Variants in PIEZO1 observed in about 807,000 individuals in gnomAD.
PIEZO1 encodes piezo type mechanosensitive ion channel component 1 (Er blood group).
In PIEZO1, 296 loss-of-function variants were observed where a neutral mutation model predicts 297.2. The observed-to-expected ratio is 1.00, with a 90% CI of 0.91 to 1.10. PIEZO1 has a LOEUF of 1.10. PIEZO1 is among the 50% of genes least tolerant of loss of function. The pLI is 0.00. For missense variants in PIEZO1, 5,018 were observed against 3,455.5 expected (o/e 1.45, Z -11.34); for synonymous variants, 2,427 against 1,507.5 (o/e 1.61, Z -14.13).
rs137878379 is a variant in PIEZO1 at position 88,752,187 on chromosome 16, C to T, written c.65-2708G>A. 3.1e-3 allele frequency among the ~76,000 whole-genome samples: 469 copies of T among 152,310 alleles called. 3 individuals are homozygous for T. The highest frequency in any genetic ancestry group is 4.7e-3 in the Non-Finnish European group (318 of 68,036). ...GACCTGTGCCCTTCAATGCGGCTAA[C>T]GTGACAAACTTTAGGCCGGGTGTGG... On this transcript the variant is annotated intron_variant, in intron 1 of 50. Coordinates refer to ENST00000301015, the MANE Select transcript of PIEZO1 (RefSeq NM_001142864.4).
At chr16:88,736,885 G>A (rs956478881) in intron 10 of PIEZO1, 146 bp from the exon 11 acceptor site, 1 of 536,360 alleles carries the variant, frequency 1.9e-6, no homozygotes, top group Non-Finnish European at 3.3e-6. Flanking sequence ...GAGGGCTCCG[G>A]CAATTGGGCT....
At position 88,727,199 on chromosome 16, in the gene PIEZO1, G is replaced by A. The variant is rs927057003; in HGVS notation, c.3302-7C>T. 7.8e-6 allele frequency: 12 copies of A among 1,531,062 alleles called. No individual in the cohort carries two copies. Among genetic ancestry groups the A allele is most frequent in the Non-Finnish European group, 1.1e-5 (12 of 1,136,344 alleles). 94.8% of individuals were successfully genotyped at this position (1,531,062 alleles called of 1,614,324 possible). ...AGCAGCAGGAGAAAGTCGCCTGCAGGACACAGGAGCCGCCGCTGTGCCACA... is the reference window on the plus strand; with the variant it reads ...AGCAGCAGGAGAAAGTCGCCTGCAGAACACAGGAGCCGCCGCTGTGCCACA... On this transcript the variant is annotated splice_polypyrimidine_tract_variant and splice_region_variant and intron_variant, in intron 23 of 50. Transcript: ENST00000301015.
chr16:88,764,487 T>C (rs1482185869), intron 1 of PIEZO1, among the ~76,000 whole-genome samples: 1 of 151,934 alleles, frequency 6.6e-6, no homozygotes, highest in Non-Finnish European at 1.5e-5. Flanking sequence ...GCGCGGTGGC[T>C]CACACCTGTA....
chr16:88,715,380 A>C lies in PIEZO1; in HGVS notation c.*225T>G, dbSNP rs1911908546. On this transcript the variant is annotated 3_prime_UTR_variant, in exon 51 of 51. Coordinates refer to ENST00000301015, the MANE Select transcript of PIEZO1 (RefSeq NM_001142864.4). ...ATAAATAAAACATTTTTTAATTAAAAAAAAAACTCTACAGTACACGTGGGG... is the reference window on the plus strand; with the variant it reads ...ATAAATAAAACATTTTTTAATTAAACAAAAAACTCTACAGTACACGTGGGG... The C allele has an allele frequency of 6.9e-6, 8 of 1,154,386 alleles. No homozygotes were observed. The highest frequency in any genetic ancestry group is 3.1e-5 in the African/African-American group (2 of 64,282). 71.5% of individuals were successfully genotyped at this position (1,154,386 alleles called of 1,614,324 possible).
At chr16:88,777,567 G>A (rs565796840) in intron 1 of PIEZO1, among the ~76,000 whole-genome samples, 14 of 152,316 alleles carry the variant, frequency 9.2e-5, no homozygotes, top group South Asian at 2.1e-4. Flanking sequence ...GTAAATCCCC[G>A]CTGAGGCAGG....
At chr16:88,739,254 G>C (rs6500494) in intron 5 of PIEZO1, 40,211 of 153,712 alleles carry the variant, frequency 0.26, 5,977 homozygotes, top group East Asian at 0.56. Flanking sequence ...CCTCTGGGGG[G>C]ACAGAGGTGG....
chr16:88,750,099 C>T (rs1224786750), intron 1 of PIEZO1, among the ~76,000 whole-genome samples: 1 of 151,704 alleles, frequency 6.6e-6, no homozygotes, highest in Non-Finnish European at 1.5e-5. Flanking sequence ...GTTTGGGAGG[C>T]TGCAGCAGGA....
rs1424910533 is a variant in PIEZO1, at chr16:88,721,237, G to A, written c.5597C>T (p.Thr1866Met). 18 of 1,540,718 alleles carry A rather than the reference G, an allele frequency of 1.2e-5. No homozygotes were observed. The highest frequency in any genetic ancestry group is 3.3e-4 in the Middle Eastern group (2 of 6,002). ...EPQVELRPRD[T>M]RRISLRFRRR... ...TCTAAAACGTAGACTGATGCGCCTC[G>A]TATCACGGGGCCTGAGCTCCACTTG... The change falls in exon 39 of 51, where the codon ACG (threonine) becomes ATG (methionine). Residue 1866 changes from threonine to methionine, a missense_variant. Physicochemically the swap from Thr to Met is moderately conservative, Grantham distance 81 (BLOSUM62 -1). Transcript: ENST00000301015.
rs556868303 is a variant in PIEZO1, at chr16:88,749,360, G to A, written c.160+24C>T. ...GCCCACCCCCTCCCACCCTGAGAGCGTGGGCAGGGTCCCCTGGCCTTACCT... is the reference window on the plus strand; with the variant it reads ...GCCCACCCCCTCCCACCCTGAGAGCATGGGCAGGGTCCCCTGGCCTTACCT... On this transcript the variant is annotated intron_variant, in intron 2 of 50. Transcript: ENST00000301015. 5.8e-4 allele frequency: 839 copies of A among 1,436,504 alleles called. 2 individuals are homozygous for A. The highest frequency in any genetic ancestry group is 6.8e-4 in the Non-Finnish European group (742 of 1,093,956). The allele number at this position is 1,436,504 out of a possible 1,614,324, so 89.0% of individuals were successfully genotyped here.
Position 88,725,066 on chromosome 16 carries a change from C to T in PIEZO1, c.4177G>A (p.Gly1393Arg). The T allele has an allele frequency of 6.6e-7, 1 of 1,511,036 alleles. No homozygotes were observed. The highest frequency in any genetic ancestry group is 8.8e-7 in the Non-Finnish European group (1 of 1,131,946). 93.6% of individuals were successfully genotyped at this position (1,511,036 alleles called of 1,614,324 possible). Residue 1393 changes from glycine to arginine, a missense_variant, in exon 30 of 51, where the codon GGG becomes AGG. Transcript: ENST00000301015. Reference sequence around the variant, plus strand: ...TGCCTCCGTGGCGGGGAGGAGCCCCCTGGACTGTCGGGCCCTGTGGAGGGG... The same window carrying T: ...TGCCTCCGTGGCGGGGAGGAGCCCCTTGGACTGTCGGGCCCTGTGGAGGGG... ...PGLEPGPDSP[G>R]GSSPPRRQWW...
intron 44 of PIEZO1, chr16:88,718,186 G>C (rs529068264): frequency 6.0e-6 from 1 of 165,604 alleles, no homozygotes; most frequent in East Asian, 1.8e-4. Context: ...GAACTGAGAA[G>C]AGCCCACAGC....
At chr16:88,738,490 C>T (rs1420419999) in intron 6 of PIEZO1, 50 bp from the exon 7 acceptor site, 12 of 1,525,272 alleles carry the variant, frequency 7.9e-6, no homozygotes, top group South Asian at 2.4e-5. Context: ...CCATGTGTCC[C>T]GCTGTCTCCA....
chr16:88,736,445 A>C (rs1238743706), intron 11 of PIEZO1, 37 bp from the exon 12 acceptor site: 1 of 1,508,884 alleles, frequency 6.6e-7, no homozygotes, highest in South Asian at 1.2e-5. Context: ...TGCCCAGCGC[A>C]CCCCACCCAG....
intron 19 of PIEZO1, chr16:88,732,941 GAGAGGTCC>G: frequency 1.7e-6 from 1 of 596,914 alleles, no homozygotes. Context: ...GGGGAGTGAA[GAGAGGTCC>G]AGGGAGAAGG....
At chr16:88,717,493 G>T (rs1567657843) in intron 44 of PIEZO1, 1 of 587,902 alleles carries the variant, frequency 1.7e-6, no homozygotes, top group South Asian at 1.6e-5. Context: ...CCAGGCAGGA[G>T]AATGAAACGC....
Position 88,726,788 on chromosome 16 carries a change from CGT to C in PIEZO1, c.3624_3625del (p.Arg1209GlyfsTer56). 6.5e-7 allele frequency: 1 copy of C among 1,550,232 alleles called. No individual in the cohort carries two copies. The highest frequency in any genetic ancestry group is 8.7e-7 in the Non-Finnish European group (1 of 1,146,890). On this transcript the variant is annotated frameshift_variant, in exon 25 of 51. Coordinates refer to ENST00000301015, the MANE Select transcript of PIEZO1 (RefSeq NM_001142864.4). LOFTEE classifies it high-confidence loss of function. ...GCAGTCCCACAGCACGAGGCGGGCC[CGT>C]GTGTCCCTCTGCAGCAGGGCCGTGC...
rs771504269 is a variant in PIEZO1, at chr16:88,733,344, G to A, written c.2598C>T (p.Ile866=). ...CLSTVWTCVI[I]VCKMLYQLKV... ...TGAGCTGGTACAGCATCTTACACAC[G>A]ATGATGACGCAGGTCCACACGGTGG... Residue 866 remains isoleucine (I), a synonymous_variant, in exon 19 of 51, where the codon ATC becomes ATT. Transcript: ENST00000301015. The A allele has an allele frequency of 1.9e-5, 29 of 1,550,110 alleles. No homozygotes were observed. The highest frequency in any genetic ancestry group is 2.7e-5 in the African/African-American group (2 of 73,066).
chr16:88,743,465 C>T (rs1479345102), intron 2 of PIEZO1: 1 of 446,532 alleles, frequency 2.2e-6, no homozygotes, highest in Non-Finnish European at 4.5e-6. Context: ...AGGCCCTTCT[C>T]ACAACTTCCT....
chr16:88,772,678 C>A (rs1279180394), intron 1 of PIEZO1, among the ~76,000 whole-genome samples: 1 of 151,302 alleles, frequency 6.6e-6, no homozygotes, highest in African/African-American at 2.4e-5. Context: ...ACTGGGGAGG[C>A]TGAGGCAGGA....
Sources: allele counts gnomAD v4.1 joint callset (sites outside exome capture counted in the v4.1 genomes callset), GRCh38; gene constraint gnomAD v4.1.1; transcripts MANE v1.5; gene names NCBI Gene and HGNC (gene_info 2026-07-23, HGNC 2026-07-21).